DDX31: variants seen among roughly 807,000 people sequenced by gnomAD.
DDX31 encodes the protein ATP-dependent DNA helicase DDX31.
Under a neutral mutation model 91.3 loss-of-function variants are expected in DDX31, and 70 were observed. The ratio of observed to expected loss-of-function variants is 0.77; its 90% CI spans 0.63 to 0.94. The LOEUF is 0.94. Ranked by LOEUF, DDX31 falls within the 40% of genes least tolerant of loss-of-function variation. DDX31 has a pLI of 0.00. For synonymous variants in DDX31, 362 were observed against 350.6 expected (o/e 1.03, Z -0.36); for missense variants, 902 against 925.0 (o/e 0.98, Z 0.32).
In DDX31 at chr9:132,667,460, G is replaced by A. The variant is rs373749893; in HGVS notation, c.75+2400C>T. ...TATTAAAAATTCAAAAAAATTAGCCGGGTGTGGTGGTGGGCACCTGTAGTC... is the reference window on the plus strand; with the variant it reads ...TATTAAAAATTCAAAAAAATTAGCCAGGTGTGGTGGTGGGCACCTGTAGTC... On this transcript the variant is annotated intron_variant, in intron 1 of 19. Transcript: ENST00000372159. 8.6e-4 allele frequency among the ~76,000 whole-genome samples: 130 copies of A among 151,988 alleles called. No homozygotes were observed. The South Asian group carries it at 0.017, about 20-fold the overall frequency.
intron 6 of DDX31, among the ~76,000 whole-genome samples, chr9:132,654,963 AAGAAG>A (rs1834470342): frequency 6.8e-6 from 1 of 146,098 alleles, no homozygotes. Context: ...AAAAAAAAAA[AAGAAG>A]AAGAAGAAAC....
At chr9:132,623,816 G>A (rs1302412609) in intron 17 of DDX31, among the ~76,000 whole-genome samples, 1 of 152,088 alleles carries the variant, frequency 6.6e-6, no homozygotes, top group African/African-American at 2.4e-5. Flanking sequence ...TCTGCTCCCT[G>A]CTGATCCCAC....
chr9:132,652,208 A>T (rs1590080210), intron 7 of DDX31, among the ~76,000 whole-genome samples: 2 of 152,224 alleles, frequency 1.3e-5, no homozygotes, highest in Admixed American at 6.5e-5. Flanking sequence ...AATTAAACAG[A>T]CATTTAATAG....
chr9:132,602,380 G>A (rs1589961028), intron 19 of DDX31, among the ~76,000 whole-genome samples: 2 of 152,190 alleles, frequency 1.3e-5, no homozygotes, highest in African/African-American at 4.8e-5. Context: ...GAGGAAGTGA[G>A]ACAGGGCAGA....
chr9:132,652,353 C>G, intron 7 of DDX31, 95 bp downstream of exon 7: 1 of 1,421,998 alleles, frequency 7.0e-7, no homozygotes, highest in Non-Finnish European at 9.7e-7. Flanking sequence ...GTGGCTTGTG[C>G]AGTAGGGAGA....
At chr9:132,666,482 C>T (rs555332538) in intron 1 of DDX31, among the ~76,000 whole-genome samples, 1 of 151,998 alleles carries the variant, frequency 6.6e-6, no homozygotes, top group Non-Finnish European at 1.5e-5. Flanking sequence ...ATCTTTTTTC[C>T]TAATTTTCTA....
At position 132,632,344 on chromosome 9, in the gene DDX31, C is replaced by T. The variant is rs117243316; in HGVS notation, c.1441-253G>A. On this transcript the variant is annotated intron_variant, in intron 14 of 19. Transcript: ENST00000372159. ...GGGCTCAGGGACCTACTGCAGTCCT[C>T]TTGTGGTTAAAAATTCTGATTTAGG... Among the ~76,000 whole-genome samples, 647 of 144,398 alleles carry T rather than the reference C, an allele frequency of 4.5e-3. 3 individuals carry two copies. The highest frequency in any genetic ancestry group is 7.3e-3 in the Non-Finnish European group (472 of 64,484). The allele number at this position is 144,398 out of a possible 152,430, so 94.7% of individuals were successfully genotyped here. A position where few individuals can be genotyped will look rare whatever the true frequency, so the allele number is the denominator to read the frequency against.
intron 17 of DDX31, among the ~76,000 whole-genome samples, chr9:132,624,334 C>T (rs182067815): frequency 5.5e-4 from 83 of 152,214 alleles, no homozygotes; most frequent in African/African-American, 1.8e-3. Flanking sequence ...CAGAGGCTTA[C>T]GAGTCTTATA....
In DDX31 at chr9:132,658,191, G is replaced by C; in HGVS notation, c.588+480C>G. The C allele has an allele frequency of 4.4e-6, 3 of 674,236 alleles. No homozygotes were observed. The South Asian group carries it at 4.8e-5, about 11-fold the overall frequency. The allele number at this position is 674,236 out of a possible 1,614,324, so 41.8% of individuals were successfully genotyped here. On this transcript the variant is annotated intron_variant, in intron 6 of 19. Transcript: ENST00000372159. ...GGCCCCTACATAGCACAGGAGCCAG[G>C]AATTAACCTTCACTGTAAGTCTTCA...
rs555386741 is a variant in DDX31 at position 132,637,557 on chromosome 9, C to T, written c.1440+4447G>A. ...GGCCTGCCGTCTCTCTGAGAAGGGA[C>T]GCAGCACACTCGCCTCTGACGCCTT... On this transcript the variant is annotated intron_variant, in intron 14 of 19. Coordinates refer to ENST00000372159, the MANE Select transcript of DDX31 (RefSeq NM_022779.9). Among the ~76,000 whole-genome samples, 6 of 152,298 alleles carry T rather than the reference C, an allele frequency of 3.9e-5. No homozygotes were observed. In the East Asian group the frequency reaches 1.2e-3, roughly 29 times the overall value.
At position 132,662,340 on chromosome 9, in the gene DDX31, C is replaced by T; in HGVS notation, c.333-4G>A. On this transcript the variant is annotated splice_region_variant and splice_polypyrimidine_tract_variant and intron_variant, in intron 2 of 19. Transcript: ENST00000372159. Reference sequence around the variant, plus strand: ...TTGCACCTGCTTTACCACAGGTCTGCAAATGATGAACAAGAACCCAGGCAT... The same window carrying T: ...TTGCACCTGCTTTACCACAGGTCTGTAAATGATGAACAAGAACCCAGGCAT... 1 of 1,614,202 alleles carries T rather than the reference C, an allele frequency of 6.2e-7. No individual in the cohort carries two copies. Among genetic ancestry groups the T allele is most frequent in the Non-Finnish European group, 8.5e-7 (1 of 1,180,042 alleles).
At position 132,648,464 on chromosome 9, in the gene DDX31, C is replaced by A. The variant is rs760380435; in HGVS notation, c.828G>T (p.Arg276=). Residue 276 remains arginine (R), a synonymous_variant, in exon 10 of 20, where the codon CGG becomes CGT. Transcript: ENST00000372159. ...CTTCATCAAACACCAACCACCGCAG[C>A]CGACTAAAATGAATGTTCTTTGTGG... ...IKSTKNIHFS[R]LRWLVFDEAD... The A allele has an allele frequency of 8.7e-6, 14 of 1,614,046 alleles. No individual in the cohort carries two copies. The South Asian group carries it at 1.2e-4, about 14-fold the overall frequency.
At chr9:132,669,745 C>T (rs1393358192) in intron 1 of DDX31, 115 bp downstream of exon 1, 46 of 1,529,460 alleles carry the variant, frequency 3.0e-5, no homozygotes, top group Non-Finnish European at 4.0e-5. Context: ...GTGTCTTTCT[C>T]CCGCTTAACT....
intron 12 of DDX31, 142 bp downstream of exon 12, chr9:132,646,681 T>C (rs1316090452): frequency 1.4e-6 from 1 of 721,836 alleles, no homozygotes; most frequent in Admixed American, 2.5e-5. Context: ...AAAGGATGTA[T>C]ATCAAAGTCT....
chr9:132,635,361 C>T (rs1159995168), intron 14 of DDX31, among the ~76,000 whole-genome samples: 1 of 151,908 alleles, frequency 6.6e-6, no homozygotes, highest in African/African-American at 2.4e-5. Context: ...GTCTATCATT[C>T]CTTCCATCCA....
intron 17 of DDX31, among the ~76,000 whole-genome samples, chr9:132,623,196 T>A (rs1040415461): frequency 6.6e-6 from 1 of 150,866 alleles, no homozygotes; most frequent in Non-Finnish European, 1.5e-5. Context: ...TCCCACACAA[T>A]CCTCTGACGT....
chr9:132,605,620 G>A (rs1830969563), intron 19 of DDX31, among the ~76,000 whole-genome samples: 2 of 152,182 alleles, frequency 1.3e-5, no homozygotes, highest in Non-Finnish European at 2.9e-5. Flanking sequence ...ACAAGCAGAT[G>A]CAAAGCTGCC....
chr9:132,662,677 T>C lies in DDX31; in HGVS notation c.94A>G (p.Arg32Gly), dbSNP rs773302856. The change falls in exon 2 of 20, where the codon AGA becomes GGA. Residue 32 changes from arginine (R) to glycine (G), a missense_variant. Physicochemically the swap from Arg to Gly is moderately radical, Grantham distance 125 (BLOSUM62 -2). Coordinates refer to ENST00000372159, the MANE Select transcript of DDX31 (RefSeq NM_022779.9). ...GCCTCACTGGACGCTTGGTATTTTCTTTTCGTAGCCTTTGCTTGCTGCGTT... is the reference window on the plus strand; with the variant it reads ...GCCTCACTGGACGCTTGGTATTTTCCTTTCGTAGCCTTTGCTTGCTGCGTT... ...QASRQAKATK[R>G]KYQASSEAPP... The C allele has an allele frequency of 2.5e-6, 4 of 1,614,056 alleles. No individual in the cohort carries two copies. In the African/African-American group the frequency reaches 4.0e-5, roughly 16 times the overall value.
At position 132,639,959 on chromosome 9, in the gene DDX31, GT is replaced by G. The variant is rs368056592; in HGVS notation, c.1440+2044del. Among the ~76,000 whole-genome samples the G allele has an allele frequency of 8.1e-4, 124 of 152,304 alleles. 1 individual carries two copies. In the South Asian group the frequency reaches 0.02, roughly 25 times the overall value. On this transcript the variant is annotated intron_variant, in intron 14 of 19. Transcript: ENST00000372159. ...CCAGTGAGCAAGTCTATTAATCTCTGTCTTTAGAAAAACACACACACTGGTA... is the reference window on the plus strand; with the variant it reads ...CCAGTGAGCAAGTCTATTAATCTCTGCTTTAGAAAAACACACACACTGGTA...
Sources: allele counts gnomAD v4.1 joint callset (sites outside exome capture counted in the v4.1 genomes callset), GRCh38; gene constraint gnomAD v4.1.1; transcripts MANE v1.5; gene names NCBI Gene and HGNC (gene_info 2026-07-23, HGNC 2026-07-21).